Variants in MTRR observed in about 807,000 individuals in gnomAD.
MTRR encodes methionine synthase reductase.
Under a neutral mutation model 79.2 loss-of-function variants are expected in MTRR, and 63 were observed. The ratio of observed to expected loss-of-function variants is 0.80; its 90% CI spans 0.65 to 0.98. The LOEUF is 0.98. MTRR is among the 50% of genes least tolerant of loss of function. The pLI, the probability that MTRR is intolerant of heterozygous loss-of-function variation, is 0.00. For synonymous variants in MTRR, 355 were observed against 313.3 expected, an observed-to-expected ratio of 1.13 and a Z score of -1.41; for missense variants, 895 against 839.6, an observed-to-expected ratio of 1.07 and a Z score of -0.82.
At chr5:7,881,031 C>G (rs991587811) in intron 5 of MTRR, among the ~76,000 whole-genome samples, 1 of 152,166 alleles carries the variant, frequency 6.6e-6, no homozygotes, top group Non-Finnish European at 1.5e-5. Flanking sequence ...TTCTCTCCTA[C>G]AGTCAGTGGG....
intron 1 of MTRR, chr5:7,861,509 C>A: frequency 4.5e-6 from 5 of 1,099,524 alleles, no homozygotes; most frequent in Non-Finnish European, 6.1e-6. Flanking sequence ...TTTTCACCTT[C>A]TTGAGAAAAA....
intron 1 of MTRR, among the ~76,000 whole-genome samples, chr5:7,855,370 T>G (rs1746210117): frequency 6.6e-6 from 1 of 151,718 alleles, no homozygotes; most frequent in Non-Finnish European, 1.5e-5. Context: ...ACTGAAGTAT[T>G]TAGGATAAAA....
chr5:7,875,208 C>A, intron 3 of MTRR, 50 bp from the exon 4 acceptor site: 1 of 1,221,620 alleles, frequency 8.2e-7, no homozygotes, highest in Non-Finnish European at 1.2e-6. Context: ...GTCTTTGTGT[C>A]CTTAAATTTA....
chr5:7,892,153 T>C (rs1313480505), intron 10 of MTRR, among the ~76,000 whole-genome samples: 2 of 152,228 alleles, frequency 1.3e-5, no homozygotes, highest in Non-Finnish European at 2.9e-5. Flanking sequence ...CTGTTTTGCC[T>C]TTCAGTAATA....
At chr5:7,860,099 T>G (rs796325426) in intron 1 of MTRR, among the ~76,000 whole-genome samples, 29 of 152,334 alleles carry the variant, frequency 1.9e-4, no homozygotes, top group African/African-American at 6.7e-4. Context: ...TTGGAGGGTC[T>G]TGAATGTTAA....
chr5:7,868,027 A>G (rs1211541886), upstream of MTRR: 1 of 1,613,456 alleles, frequency 6.2e-7, no homozygotes, highest in Non-Finnish European at 8.5e-7. Flanking sequence ...CCAGAGCTCT[A>G]TGCATCTGAA....
chr5:7,886,521 A>G, intron 7 of MTRR, 94 bp from the exon 8 acceptor site: 1 of 984,102 alleles, frequency 1.0e-6, no homozygotes, highest in South Asian at 1.3e-5. Flanking sequence ...ATGCGCTGTA[A>G]AGTACTACAG....
chr5:7,898,648 A>G (rs1480406641), intron 14 of MTRR, among the ~76,000 whole-genome samples: 2 of 152,134 alleles, frequency 1.3e-5, no homozygotes, highest in African/African-American at 2.4e-5. Context: ...TCAAATGAGA[A>G]GACAGCGGAG....
At chr5:7,861,583 C>A (rs781519142) in intron 1 of MTRR, 1 of 1,582,036 alleles carries the variant, frequency 6.3e-7, no homozygotes, top group Non-Finnish European at 8.6e-7. Flanking sequence ...TTTCCTGTAC[C>A]TTTTATGGAT....
In MTRR at chr5:7,856,588, C is replaced by T. The variant is rs373093628; in HGVS notation, n.391+5003C>T. Reference sequence around the variant, plus strand: ...GAATTGGGCTAAACAGCTTACAAGACGTGTCTCATTTCACTATCTACACTA... The same window carrying T: ...GAATTGGGCTAAACAGCTTACAAGATGTGTCTCATTTCACTATCTACACTA... On this transcript the variant is annotated intron_variant and non_coding_transcript_variant, in intron 1 of 3. Coordinates refer to the MTRR transcript ENST00000502509. 6.6e-5 allele frequency among the ~76,000 whole-genome samples: 10 copies of T among 151,968 alleles called. No individual in the cohort carries two copies. In the South Asian group the frequency reaches 1.0e-3, roughly 16 times the overall value.
intron 1 of MTRR, chr5:7,861,166 C>T (rs139537580): frequency 3.2e-4 from 517 of 1,605,266 alleles, no homozygotes; most frequent in Non-Finnish European, 4.1e-4. Flanking sequence ...ACTTGATAAC[C>T]GAGTAACTGT....
At chr5:7,863,772 A>T (rs368230411) in intron 2 of MTRR, among the ~76,000 whole-genome samples, 1 of 152,216 alleles carries the variant, frequency 6.6e-6, no homozygotes, top group South Asian at 2.1e-4. Context: ...CAGGTGTACA[A>T]CATGCTGACT....
At chr5:7,890,453 A>G (rs1438390729) in intron 9 of MTRR, 1 of 962,856 alleles carries the variant, frequency 1.0e-6, no homozygotes, top group Non-Finnish European at 1.2e-6. Context: ...CTCTTATCGC[A>G]TACTAATTTA....
chr5:7,866,013 ACGTC>A, upstream of MTRR: 1 of 1,539,888 alleles, frequency 6.5e-7, no homozygotes, highest in African/African-American at 1.4e-5. Flanking sequence ...AGTCATAGTT[ACGTC>A]TGAATTGAGG....
intron 8 of MTRR, among the ~76,000 whole-genome samples, chr5:7,887,834 G>GC (rs1561239315): frequency 8.7e-6 from 1 of 114,298 alleles, no homozygotes; most frequent in African/African-American, 3.8e-5. Flanking sequence ...ATATATATGG[G>GC]TTTTTTCAAA....
chr5:7,878,177 T>C lies in MTRR; in HGVS notation c.635T>C (p.Val212Ala). Reference protein sequence around the residue: ...KDSEVLKQNAVNSNQSNVVIE... With the variant: ...KDSEVLKQNAANSNQSNVVIE... ...TCTGAGGTTTTGAAGCAAAATGCAGTGAACAGCAACCAATCCAATGTTGTA... is the reference window on the plus strand; with the variant it reads ...TCTGAGGTTTTGAAGCAAAATGCAGCGAACAGCAACCAATCCAATGTTGTA... The change falls in exon 5 of 15, where the codon GTG becomes GCG. Residue 212 changes from valine to alanine, a missense_variant. Coordinates refer to ENST00000440940, the MANE Select transcript of MTRR (RefSeq NM_002454.3). 6.2e-7 allele frequency: 1 copy of C among 1,614,166 alleles called. No individual in the cohort carries two copies. The highest frequency in any genetic ancestry group is 8.5e-7 in the Non-Finnish European group (1 of 1,180,034).
intron 3 of MTRR, among the ~76,000 whole-genome samples, chr5:7,874,779 C>T (rs142691221): frequency 9.2e-5 from 14 of 152,176 alleles, no homozygotes; most frequent in South Asian, 2.1e-4. Context: ...GCCTACTCAA[C>T]GCTGCTGTTA....
At chr5:7,897,614 A>G (rs1374802106) in intron 14 of MTRR, among the ~76,000 whole-genome samples, 2 of 152,176 alleles carry the variant, frequency 1.3e-5, no homozygotes, top group African/African-American at 4.8e-5. Context: ...AACTATTGAT[A>G]AGTAAGAAAG....
At position 7,887,691 on chromosome 5, in the gene MTRR, C is replaced by G. The variant is rs1736722504; in HGVS notation, c.1146+988C>G. Among the ~76,000 whole-genome samples the G allele has an allele frequency of 2.1e-5, 3 of 146,224 alleles. No individual in the cohort carries two copies. The South Asian group carries it at 6.5e-4, about 32-fold the overall frequency. On this transcript the variant is annotated intron_variant, in intron 8 of 14. Transcript: ENST00000440940. ...GTCACAATTTTGGTTCAGCTCTACC[C>G]TTTTAAAATTTGTGTAAAGTGTGTG... is the stretch of plus-strand genomic sequence containing the variant.
Sources: gnomAD v4.1 joint callset for allele counts (sites outside exome capture counted in the v4.1 genomes callset) on GRCh38, gnomAD v4.1.1 for gene constraint, MANE v1.5 for transcripts, NCBI Gene and HGNC (gene_info 2026-07-23, HGNC 2026-07-21) for gene names.